The following DERA variants were observed in gnomAD, a reference collection of about 807,000 sequenced individuals.
DERA encodes deoxyribose-phosphate aldolase, also known as 2-deoxy-D-ribose 5-phosphate aldolase.
DERA carries 15 observed loss-of-function variants against 41.1 expected under a neutral mutation model. The ratio of observed to expected loss-of-function variants is 0.37; its 90% CI spans 0.24 to 0.56. The LOEUF (loss-of-function observed/expected upper bound fraction) is 0.56, where lower values mean the gene tolerates loss of function less well. DERA is among the 20% of genes least tolerant of loss of function. The probability of loss-of-function intolerance (pLI) is 0.81; values close to 1 mark genes in which losing one functional copy is unlikely to be tolerated. For synonymous variants in DERA, 139 were observed against 137.4 expected (o/e 1.01, Z -0.08); for missense variants, 396 against 403.4 (o/e 0.98, Z 0.16).
In DERA at chr12:16,001,395, C is replaced by T. The variant is rs1009181216; in HGVS notation, c.637+18959C>T. Among the ~76,000 whole-genome samples the T allele has an allele frequency of 4.0e-4, 61 of 152,132 alleles. No homozygotes were observed. Among genetic ancestry groups the T allele is most frequent in the African/African-American group, 1.4e-3 (58 of 41,436 alleles). On this transcript the variant is annotated intron_variant, in intron 6 of 8. Coordinates refer to ENST00000428559, the MANE Select transcript of DERA (RefSeq NM_015954.4). This position sits in a 1 kb window ranked among gnomAD's most constrained non-coding sequence, Gnocchi z 4.1. ...CCACTGGCTGTTTTCTTTGGTTGTT[C>T]CTTCAGGGCTAGAGTGGAAAAGTTC...
chr12:15,973,751 A>G (rs1267367049), intron 5 of DERA, among the ~76,000 whole-genome samples: 1 of 152,122 alleles, frequency 6.6e-6, no homozygotes, highest in Admixed American at 6.5e-5. Context: ...ATATAGAAAT[A>G]TATCAAGGAT....
intron 1 of DERA, among the ~76,000 whole-genome samples, chr12:15,930,745 G>A (rs1424010034): frequency 6.6e-6 from 1 of 152,162 alleles, no homozygotes; most frequent in African/African-American, 2.4e-5. Flanking sequence ...TTCAGGAAAT[G>A]AAGTTGTTAA....
chr12:16,034,757 T>TA (rs34073112), intron 7 of DERA, among the ~76,000 whole-genome samples: 71 of 147,036 alleles, frequency 4.8e-4, no homozygotes, highest in East Asian at 1.2e-3. Flanking sequence ...ATATTCTCTT[T>TA]AAAAAAAAAA....
At chr12:15,964,756 T>G (rs1395932741) in intron 5 of DERA, among the ~76,000 whole-genome samples, 1 of 152,230 alleles carries the variant, frequency 6.6e-6, no homozygotes, top group Non-Finnish European at 1.5e-5. Flanking sequence ...TTACACCTTT[T>G]ATTAAGCAGT....
At position 15,991,379 on chromosome 12, in the gene DERA, C is replaced by T. The variant is rs1410064500; in HGVS notation, c.637+8943C>T. ...AGACCTTTTTTGGATGCATAGTTTG[C>T]AAAAATGTTCTCCCATTCTGTAGGT... is the stretch of plus-strand genomic sequence containing the variant. On this transcript the variant is annotated intron_variant, in intron 6 of 8. Coordinates refer to ENST00000428559, the MANE Select transcript of DERA (RefSeq NM_015954.4). Among the ~76,000 whole-genome samples, 4 of 152,086 alleles carry T rather than the reference C, an allele frequency of 2.6e-5. No homozygotes were observed. In the East Asian group the frequency reaches 5.8e-4, roughly 22 times the overall value.
chr12:15,923,776 T>C (rs1158918821), intron 1 of DERA, among the ~76,000 whole-genome samples: 1 of 152,030 alleles, frequency 6.6e-6, no homozygotes, highest in Non-Finnish European at 1.5e-5. Context: ...TGGCTCATTC[T>C]ATCACACATC....
rs1400361811 is a variant in DERA at position 16,010,595 on chromosome 12, A to T, written c.638-21947A>T. Among the ~76,000 whole-genome samples the T allele has an allele frequency of 1.3e-5, 2 of 151,962 alleles. No individual in the cohort carries two copies. Among genetic ancestry groups the T allele is most frequent in the Admixed American group, 1.3e-4 (2 of 15,252 alleles). On this transcript the variant is annotated intron_variant, in intron 6 of 8. Coordinates refer to ENST00000428559, the MANE Select transcript of DERA (RefSeq NM_015954.4). The surrounding 1 kb of genome is among the most constrained non-coding windows in gnomAD (Gnocchi z 5.5). Reference sequence around the variant, plus strand: ...GTGACTAGTTGAAAAATAGAGACAGAATTTTAATGTGAAAATTGTTTATGA... The same window carrying T: ...GTGACTAGTTGAAAAATAGAGACAGTATTTTAATGTGAAAATTGTTTATGA...
intron 1 of DERA, among the ~76,000 whole-genome samples, chr12:15,923,972 A>G (rs1591999793): frequency 6.6e-6 from 1 of 152,246 alleles, no homozygotes; most frequent in South Asian, 2.1e-4. Flanking sequence ...CATGAAAAGT[A>G]TATAATCTTA....
At chr12:16,027,715 C>G (rs528839275) in intron 6 of DERA, among the ~76,000 whole-genome samples, 2 of 152,298 alleles carry the variant, frequency 1.3e-5, no homozygotes, top group Admixed American at 6.5e-5. Flanking sequence ...GAATACACTT[C>G]TGTTGTTTTG....
chr12:15,973,857 A>G (rs1200329334), intron 5 of DERA, among the ~76,000 whole-genome samples: 1 of 152,158 alleles, frequency 6.6e-6, no homozygotes, highest in Non-Finnish European at 1.5e-5. Flanking sequence ...GATAGTCTAA[A>G]AAGCCCTCCT....
chr12:15,911,594 C>T lies in DERA; in HGVS notation c.31+180C>T, dbSNP rs777962981. 2 of 713,340 alleles carry T rather than the reference C, an allele frequency of 2.8e-6. No homozygotes were observed. Among genetic ancestry groups the T allele is most frequent in the East Asian group, 2.7e-5 (1 of 37,028 alleles). 44.2% of individuals were successfully genotyped at this position (713,340 alleles called of 1,614,324 possible). A position where few individuals can be genotyped will look rare whatever the true frequency, so the allele number is the denominator to read the frequency against. ...AAGTAAAGGCCGAACCCGGCACGTT[C>T]GCGCCGCTTGTCTTTGCACCTAAGC... On this transcript the variant is annotated intron_variant, in intron 1 of 8. Transcript: ENST00000428559. This position sits in a 1 kb window ranked among gnomAD's most constrained non-coding sequence, Gnocchi z 4.5.
chr12:15,953,406 A>T (rs898533933), intron 1 of DERA, among the ~76,000 whole-genome samples: 7 of 152,150 alleles, frequency 4.6e-5, no homozygotes, highest in African/African-American at 1.7e-4. Flanking sequence ...CTAGAAAGTA[A>T]AGTTGCAGGG....
chr12:15,942,273 G>A (rs1425745492), intron 1 of DERA, among the ~76,000 whole-genome samples: 5 of 151,942 alleles, frequency 3.3e-5, no homozygotes, highest in East Asian at 3.9e-4. Flanking sequence ...TTCTTTTGTC[G>A]GATGCATAGT....
rs1948401182 is a variant in DERA, at chr12:15,940,502, C to T, written c.32-16434C>T. ...GAGTAGCTGGGACTACAGGCGCATG[C>T]CACCACACCTGGCTGATTTTTTGTA... On this transcript the variant is annotated intron_variant, in intron 1 of 8. Coordinates refer to ENST00000428559, the MANE Select transcript of DERA (RefSeq NM_015954.4). The surrounding 1 kb of genome is among the most constrained non-coding windows in gnomAD (Gnocchi z 5.1). Among the ~76,000 whole-genome samples the T allele has an allele frequency of 6.6e-6, 1 of 152,124 alleles. No homozygotes were observed. The highest frequency in any genetic ancestry group is 1.9e-4 in the East Asian group (1 of 5,196).
At chr12:15,920,312 A>G (rs766476614) in intron 1 of DERA, among the ~76,000 whole-genome samples, 6 of 152,196 alleles carry the variant, frequency 3.9e-5, no homozygotes, top group Non-Finnish European at 8.8e-5. Context: ...TGTTGTGGGT[A>G]AGAAAACTGA....
chr12:15,963,845 A>T (rs970905279), intron 5 of DERA, among the ~76,000 whole-genome samples: 2 of 152,060 alleles, frequency 1.3e-5, no homozygotes, highest in Non-Finnish European at 2.9e-5. Flanking sequence ...CCTATTTCTC[A>T]TGGGTATTTT....
In DERA at chr12:16,026,864, C is replaced by G. The variant is rs182919030; in HGVS notation, c.638-5678C>G. 6.6e-6 allele frequency among the ~76,000 whole-genome samples: 1 copy of G among 152,108 alleles called. No individual in the cohort carries two copies. Among genetic ancestry groups the G allele is most frequent in the Non-Finnish European group, 1.5e-5 (1 of 67,964 alleles). ...GATAAAGACACTGCCAGAAAGAAAA[C>G]CTATAGATGAACATCTTTAATGAAC... On this transcript the variant is annotated intron_variant, in intron 6 of 8. Coordinates refer to ENST00000428559, the MANE Select transcript of DERA (RefSeq NM_015954.4). This position sits in a 1 kb window ranked among gnomAD's most constrained non-coding sequence, Gnocchi z 4.4.
chr12:15,969,726 A>G (rs1328616607), intron 5 of DERA, among the ~76,000 whole-genome samples: 1 of 152,168 alleles, frequency 6.6e-6, no homozygotes, highest in Non-Finnish European at 1.5e-5. Flanking sequence ...GCAATAATCT[A>G]TTTTTCTTAT....
Position 16,017,247 on chromosome 12 carries a change from T to G in DERA, c.638-15295T>G, listed in dbSNP as rs1948988943. 6.6e-6 allele frequency among the ~76,000 whole-genome samples: 1 copy of G among 152,212 alleles called. No homozygotes were observed. Among genetic ancestry groups the G allele is most frequent in the South Asian group, 2.1e-4 (1 of 4,828 alleles). On this transcript the variant is annotated intron_variant, in intron 6 of 8. Transcript: ENST00000428559. This position sits in a 1 kb window ranked among gnomAD's most constrained non-coding sequence, Gnocchi z 5.5. ...TTCCAACCCTAAAATTGTGATTTCT[T>G]TCTGACTGCCATTATGCTTAAACAA...
Sources: gnomAD v4.1 joint callset for allele counts (sites outside exome capture counted in the v4.1 genomes callset) on GRCh38, gnomAD v4.1.1 for gene constraint, Gnocchi (gnomAD v3.1) non-coding constraint, MANE v1.5 for transcripts, NCBI Gene and HGNC (gene_info 2026-07-23, HGNC 2026-07-21) for gene names.